KCNQ1: variants seen among roughly 807,000 people sequenced by gnomAD.
The protein encoded by KCNQ1 is potassium voltage-gated channel subfamily KQT member 1.
In KCNQ1, 49 loss-of-function variants were observed where a neutral mutation model predicts 72.4. The observed-to-expected ratio is 0.68, with a 90% confidence interval of 0.54 to 0.86. KCNQ1 has a LOEUF of 0.86. KCNQ1 is among the 40% of genes least tolerant of loss of function. The pLI, the probability that KCNQ1 is intolerant of heterozygous loss-of-function variation, is 0.00. For missense variants in KCNQ1, 790 were observed against 945.1 expected (o/e 0.84, Z 2.15); for synonymous variants, 450 against 412.6 (o/e 1.09, Z -1.10).
Position 2,495,824 on chromosome 11 carries a change from G to A in KCNQ1, c.387-32104G>A, listed in dbSNP as rs1846903919. ...ACAATGTACATTCTCTTGATTTGGG[G>A]TGGAAAGTTCTGTAGATGTCTATTA... On this transcript the variant is annotated intron_variant, in intron 1 of 15. Transcript: ENST00000155840. The surrounding 1 kb of genome is among the most constrained non-coding windows in gnomAD (Gnocchi z 4.6). Among the ~76,000 whole-genome samples the A allele has an allele frequency of 6.6e-6, 1 of 152,180 alleles. No individual in the cohort carries two copies. Among genetic ancestry groups the A allele is most frequent in the Admixed American group, 6.5e-5 (1 of 15,290 alleles).
At chr11:2,615,470 T>TATGG in intron 10 of KCNQ1, 1 of 398,074 alleles carries the variant, frequency 2.5e-6, no homozygotes, top group Non-Finnish European at 4.4e-6. Context: ...CATACAGCCA[T>TATGG]ATCTTACTCT....
chr11:2,546,585 C>T (rs1470535236), intron 2 of KCNQ1, among the ~76,000 whole-genome samples: 2 of 151,944 alleles, frequency 1.3e-5, no homozygotes, highest in Non-Finnish European at 2.9e-5. Flanking sequence ...GGATTTCTCT[C>T]TTTATTCTTC....
chr11:2,765,267 TTA>T (rs1846476349), intron 11 of KCNQ1, among the ~76,000 whole-genome samples: 2 of 152,212 alleles, frequency 1.3e-5, no homozygotes, highest in African/African-American at 4.8e-5. Context: ...CCTGGGTTAT[TTA>T]GATTGTTTAA....
At chr11:2,570,858 C>T in intron 3 of KCNQ1, 104 bp downstream of exon 3, 1 of 1,530,438 alleles carries the variant, frequency 6.5e-7, no homozygotes, top group Non-Finnish European at 8.9e-7. Flanking sequence ...GACTGGGGAA[C>T]CCCAAGGCCA....
In KCNQ1 at chr11:2,745,993, G is replaced by A. The variant is rs540813363; in HGVS notation, c.1515-22851G>A. Among the ~76,000 whole-genome samples the A allele has an allele frequency of 6.1e-4, 93 of 152,302 alleles. 1 individual carries two copies. The highest frequency in any genetic ancestry group is 2.1e-3 in the African/African-American group (87 of 41,562). ...CAAACTCCACCTCCCGGGTTCAAGC[G>A]ATTGTCTCACCTCAGCCTCCTGAGT... On this transcript the variant is annotated intron_variant, in intron 11 of 15. Transcript: ENST00000155840. This position sits in a 1 kb window ranked among gnomAD's most constrained non-coding sequence, Gnocchi z 6.2.
intron 11 of KCNQ1, among the ~76,000 whole-genome samples, chr11:2,733,814 A>ACACACTCTCTCT: frequency 1.2e-5 from 1 of 86,614 alleles, no homozygotes; most frequent in Admixed American, 1.2e-4. Flanking sequence ...ACACACACAC[A>ACACACTCTCTCT]CTCTCTCACT....
rs1271692276 is a variant in KCNQ1 at position 2,713,538 on chromosome 11, G to A, written c.1514+51457G>A. On this transcript the variant is annotated intron_variant, in intron 11 of 15. Coordinates refer to ENST00000155840, the MANE Select transcript of KCNQ1 (RefSeq NM_000218.3). The surrounding 1 kb of genome is among the most constrained non-coding windows in gnomAD (Gnocchi z 5.6). ...AGCTGAATTTTTCCCACTGTGGGAA[G>A]GGGGTCTGGAGGACAGGCACCCTTG... is the stretch of plus-strand genomic sequence containing the variant. Among the ~76,000 whole-genome samples, 1 of 152,158 alleles carries A rather than the reference G, an allele frequency of 6.6e-6. No individual in the cohort carries two copies. The highest frequency in any genetic ancestry group is 6.5e-5 in the Admixed American group (1 of 15,284).
intron 15 of KCNQ1, among the ~76,000 whole-genome samples, chr11:2,780,318 T>G (rs1846800122): frequency 6.6e-6 from 1 of 152,148 alleles, no homozygotes; most frequent in Admixed American, 6.5e-5. Context: ...TCGAGTTTTC[T>G]CCGTTATCAG....
At chr11:2,496,980 T>G (rs1204363793) in intron 1 of KCNQ1, among the ~76,000 whole-genome samples, 2 of 152,200 alleles carry the variant, frequency 1.3e-5, no homozygotes, top group Non-Finnish European at 2.9e-5. Flanking sequence ...TTTATGAATG[T>G]TGAATATTGG....
At chr11:2,542,354 G>A (rs554042817) in intron 2 of KCNQ1, among the ~76,000 whole-genome samples, 34 of 152,350 alleles carry the variant, frequency 2.2e-4, no homozygotes, top group Non-Finnish European at 8.8e-5. Flanking sequence ...AAGGGGCCCC[G>A]TGCCCACCAA....
At chr11:2,490,476 C>T (rs1846817543) in intron 1 of KCNQ1, among the ~76,000 whole-genome samples, 1 of 152,072 alleles carries the variant, frequency 6.6e-6, no homozygotes, top group African/African-American at 2.4e-5. Flanking sequence ...GGGTGAAACC[C>T]AGTGATGTGT....
chr11:2,666,168 G>A (rs953668860), intron 11 of KCNQ1: 10 of 398,662 alleles, frequency 2.5e-5, no homozygotes, highest in Non-Finnish European at 4.4e-5. Flanking sequence ...GCCCCAGCTC[G>A]AGGTTAACAG....
chr11:2,748,884 C>A lies in KCNQ1; in HGVS notation c.1515-19960C>A, dbSNP rs769733831. Among the ~76,000 whole-genome samples, 1 of 152,248 alleles carries A rather than the reference C, an allele frequency of 6.6e-6. No homozygotes were observed. Among genetic ancestry groups the A allele is most frequent in the African/African-American group, 2.4e-5 (1 of 41,468 alleles). On this transcript the variant is annotated intron_variant, in intron 11 of 15. Coordinates refer to ENST00000155840, the MANE Select transcript of KCNQ1 (RefSeq NM_000218.3). This position sits in a 1 kb window ranked among gnomAD's most constrained non-coding sequence, Gnocchi z 6.2. ...TGGGTGTGCAGGGGCAGCCCCAGAC[C>A]TCCAGAGTGCCCTCTTCCCCTCTTT...
chr11:2,732,735 G>A (rs1188994582), intron 11 of KCNQ1, among the ~76,000 whole-genome samples: 4 of 152,334 alleles, frequency 2.6e-5, no homozygotes, highest in East Asian at 3.9e-4. Flanking sequence ...ACAGCTCCCA[G>A]CCTGGCTTCC....
At chr11:2,738,782 G>A (rs1845999697) in intron 11 of KCNQ1, among the ~76,000 whole-genome samples, 2 of 152,200 alleles carry the variant, frequency 1.3e-5, no homozygotes, top group African/African-American at 4.8e-5. Context: ...GACCCTGGGG[G>A]GATTGTCCTT....
chr11:2,699,605 G>GA (rs1850745575), intron 11 of KCNQ1: 4 of 250,890 alleles, frequency 1.6e-5, no homozygotes, highest in African/African-American at 1.4e-4. Flanking sequence ...CGCGGCGAGA[G>GA]GCCCCCGGAG....
intron 11 of KCNQ1, chr11:2,697,737 T>A (rs2133899871): frequency 2.5e-6 from 1 of 398,624 alleles, no homozygotes; most frequent in East Asian, 3.6e-5. Flanking sequence ...TTAAGAATTG[T>A]TGTTTAATAC....
At position 2,769,795 on chromosome 11, in the gene KCNQ1, A is replaced by C. The variant is rs163155; in HGVS notation, c.1590+876A>C. Among the ~76,000 whole-genome samples, 148,284 of 152,040 alleles carry C rather than the reference A, an allele frequency of 0.98. 72,402 individuals are homozygous for C. The highest frequency in any genetic ancestry group is 1 in the Non-Finnish European group (67,819 of 67,970). Reference sequence around the variant, plus strand: ...CGTGCTTGAGTGAGTGCGTGTCTGCAGGAGCAGGGCAGGGTGGGGCTTCTG... The same window carrying C: ...CGTGCTTGAGTGAGTGCGTGTCTGCCGGAGCAGGGCAGGGTGGGGCTTCTG... On this transcript the variant is annotated intron_variant, in intron 12 of 15. Coordinates refer to ENST00000155840, the MANE Select transcript of KCNQ1 (RefSeq NM_000218.3). The surrounding 1 kb of genome is among the most constrained non-coding windows in gnomAD (Gnocchi z 4.6).
At chr11:2,789,512 G>C (rs973569255) in intron 15 of KCNQ1, among the ~76,000 whole-genome samples, 9 of 152,370 alleles carry the variant, frequency 5.9e-5, no homozygotes, top group African/African-American at 2.2e-4. Flanking sequence ...GGCAGTCATT[G>C]CTCGGGAGGG....
Sources: allele counts gnomAD v4.1 joint callset (sites outside exome capture counted in the v4.1 genomes callset), GRCh38; gene constraint gnomAD v4.1.1; non-coding constraint Gnocchi (gnomAD v3.1); transcripts MANE v1.5; gene names NCBI Gene and HGNC (gene_info 2026-07-23, HGNC 2026-07-21).